CCDC90B: variants seen among roughly 807,000 people sequenced by gnomAD.
The protein encoded by CCDC90B is coiled-coil domain containing 90B.
A neutral mutation model predicts 37.0 loss-of-function variants in CCDC90B; 24 were observed. The ratio of observed to expected loss-of-function variants is 0.65; its 90% CI spans 0.47 to 0.91. The LOEUF is 0.91. Ranked by LOEUF, CCDC90B falls within the 40% of genes least tolerant of loss-of-function variation. The pLI, the probability that CCDC90B is intolerant of heterozygous loss-of-function variation, is 0.00. For missense variants in CCDC90B, 319 were observed against 299.0 expected, an observed-to-expected ratio of 1.07 and a Z score of -0.49; for synonymous variants, 113 against 101.1, an observed-to-expected ratio of 1.12 and a Z score of -0.71.
chr11:83,285,665 C>G, intron 1 of CCDC90B: 2 of 1,404,400 alleles, frequency 1.4e-6, no homozygotes, highest in Admixed American at 6.2e-5. Flanking sequence ...GCTTTAAGAA[C>G]AGAAAGGCAG....
At chr11:83,273,468 G>A (rs551352285) in intron 7 of CCDC90B, 179 bp downstream of exon 7, 60 of 435,192 alleles carry the variant, frequency 1.4e-4, no homozygotes, top group Middle Eastern at 6.0e-4. Flanking sequence ...GCTCATGGGC[G>A]ACCATCTACC....
rs950171133 is a variant in CCDC90B at position 83,282,526 on chromosome 11, A to G, written c.101-2266T>C. 2.6e-5 allele frequency among the ~76,000 whole-genome samples: 4 copies of G among 152,286 alleles called. No individual in the cohort carries two copies. The South Asian group carries it at 8.3e-4, about 32-fold the overall frequency. ...AGACCAAATACCTTAACAAGCCAAT[A>G]AATCTTTGTAGGGTGCAGCTCGTCT... On this transcript the variant is annotated intron_variant, in intron 1 of 8. Transcript: ENST00000529689.
At chr11:83,269,422 A>G (rs1864508497) in intron 7 of CCDC90B, among the ~76,000 whole-genome samples, 1 of 152,156 alleles carries the variant, frequency 6.6e-6, no homozygotes, top group Non-Finnish European at 1.5e-5. Context: ...CCAGACTAAT[A>G]AAGAAGAAAA....
At chr11:83,278,141 A>G (rs2135653379) in intron 3 of CCDC90B, among the ~76,000 whole-genome samples, 1 of 152,344 alleles carries the variant, frequency 6.6e-6, no homozygotes, top group African/African-American at 2.4e-5. Flanking sequence ...GCCTGTCTTC[A>G]GTGGCCAAAT....
chr11:83,264,349 G>T (rs549465003), intron 8 of CCDC90B, among the ~76,000 whole-genome samples: 7 of 152,252 alleles, frequency 4.6e-5, no homozygotes, highest in Non-Finnish European at 1.0e-4. Flanking sequence ...TTATTTTTAA[G>T]AAGTATATAA....
At chr11:83,274,034 G>T (rs758390156) in intron 4 of CCDC90B, 42 bp from the exon 5 acceptor site, 5 of 1,420,912 alleles carry the variant, frequency 3.5e-6, no homozygotes, top group Non-Finnish European at 4.7e-6. Flanking sequence ...ATTAAACCAA[G>T]TCTATATTAT....
At position 83,273,956 on chromosome 11, in the gene CCDC90B, G is replaced by A. The variant is rs1169732649; in HGVS notation, c.463C>T (p.Leu155=). The A allele has an allele frequency of 1.1e-5, 17 of 1,590,354 alleles. No individual in the cohort carries two copies. The highest frequency in any genetic ancestry group is 3.4e-4 in the Middle Eastern group (2 of 5,930). ...KIELDQVKQQ[L]MHETSRIRAD... Reference sequence around the variant, plus strand: ...TAGAAAAAAAATTCACTTACCATTAGTTGTTGCTTAACTTGGTCTAATTCA... The same window carrying A: ...TAGAAAAAAAATTCACTTACCATTAATTGTTGCTTAACTTGGTCTAATTCA... Residue 155 remains leucine (L), a synonymous_variant, in exon 5 of 9, where the codon CTA becomes TTA. Transcript: ENST00000529689.
intron 1 of CCDC90B, among the ~76,000 whole-genome samples, chr11:83,284,770 T>C (rs1286373001): frequency 6.6e-6 from 1 of 152,246 alleles, no homozygotes; most frequent in African/African-American, 2.4e-5. Context: ...CAGTATGATA[T>C]ACACTTCAAA....
rs751633057 is a variant in CCDC90B, at chr11:83,285,879, G to T, written c.94C>A (p.Arg32=). ...ACACGACGCCTTGCCTCACCTCTCCGCAGGGCCGGCGAGAAATGCCCGCGG... is the reference window on the plus strand; with the variant it reads ...ACACGACGCCTTGCCTCACCTCTCCTCAGGGCCGGCGAGAAATGCCCGCGG... ...RPRGHFSPAL[R]REFFTTTTKE... Residue 32 remains arginine, a synonymous_variant, in exon 1 of 9, where the codon CGG becomes AGG. Transcript: ENST00000529689. The T allele has an allele frequency of 1.2e-6, 2 of 1,611,924 alleles. No individual in the cohort carries two copies. Among genetic ancestry groups the T allele is most frequent in the Non-Finnish European group, 1.7e-6 (2 of 1,179,590 alleles).
At chr11:83,277,455 T>C (rs1865105649) in intron 3 of CCDC90B, among the ~76,000 whole-genome samples, 1 of 152,146 alleles carries the variant, frequency 6.6e-6, no homozygotes, top group African/African-American at 2.4e-5. Flanking sequence ...TGGACATTTG[T>C]CTACTATAAT....
intron 1 of CCDC90B, among the ~76,000 whole-genome samples, chr11:83,283,395 T>C (rs974661941): frequency 2.6e-5 from 4 of 152,248 alleles, no homozygotes; most frequent in Admixed American, 1.3e-4. Context: ...TTCTCTTGGC[T>C]TCTATTTATT....
At chr11:83,262,205 C>G (rs914122948) in intron 8 of CCDC90B, among the ~76,000 whole-genome samples, 7 of 152,036 alleles carry the variant, frequency 4.6e-5, no homozygotes, top group Non-Finnish European at 8.8e-5. Flanking sequence ...ATTTAGAAAC[C>G]TATAACCTGT....
intron 3 of CCDC90B, among the ~76,000 whole-genome samples, chr11:83,276,963 CT>C (rs1488875079): frequency 1.3e-5 from 2 of 152,060 alleles, no homozygotes; most frequent in African/African-American, 2.4e-5. Flanking sequence ...AAGTATGCAG[CT>C]TAATGGCCTA....
At chr11:83,269,113 C>T (rs574870870) in intron 7 of CCDC90B, among the ~76,000 whole-genome samples, 10 of 152,176 alleles carry the variant, frequency 6.6e-5, no homozygotes, top group Non-Finnish European at 1.2e-4. Flanking sequence ...ACATTTAAAA[C>T]AGTGTGTAGA....
At chr11:83,274,064 CCT>C in intron 4 of CCDC90B, 72 bp from the exon 5 acceptor site, 1 of 1,195,224 alleles carries the variant, frequency 8.4e-7, no homozygotes, top group Non-Finnish European at 1.1e-6. Context: ...AATCTGAAAC[CCT>C]AGATTACCAA....
At chr11:83,269,293 T>C (rs1315252856) in intron 7 of CCDC90B, among the ~76,000 whole-genome samples, 2 of 151,834 alleles carry the variant, frequency 1.3e-5, no homozygotes, top group African/African-American at 4.8e-5. Flanking sequence ...AGGTAAGAGA[T>C]AAGAGACACA....
chr11:83,284,560 T>C (rs565181345), intron 1 of CCDC90B, among the ~76,000 whole-genome samples: 18 of 152,342 alleles, frequency 1.2e-4, no homozygotes, highest in African/African-American at 3.4e-4. Context: ...GTCAAGGTTT[T>C]CAAATCCCTT....
At position 83,260,587 on chromosome 11, in the gene CCDC90B, T is replaced by C. The variant is rs1234443070; in HGVS notation, c.*1324A>G. On this transcript the variant is annotated 3_prime_UTR_variant, in exon 9 of 9. Transcript: ENST00000529689. Reference sequence around the variant, plus strand: ...CCATATGGACCAATCTCTTGACTGCTCTATACTGCAGATTCCCTGTTTATA... The same window carrying C: ...CCATATGGACCAATCTCTTGACTGCCCTATACTGCAGATTCCCTGTTTATA... 1 of 152,214 alleles carries C rather than the reference T, an allele frequency of 6.6e-6. No homozygotes were observed. Among genetic ancestry groups the C allele is most frequent in the Non-Finnish European group, 1.5e-5 (1 of 68,040 alleles). 9.4% of individuals were successfully genotyped at this position (152,214 alleles called of 1,614,324 possible).
At chr11:83,284,881 C>G (rs868204329) in intron 1 of CCDC90B, among the ~76,000 whole-genome samples, 1 of 152,184 alleles carries the variant, frequency 6.6e-6, no homozygotes, top group African/African-American at 2.4e-5. Context: ...AGTGCTACCT[C>G]CTTTTTGTAA....
Sources: allele counts gnomAD v4.1 joint callset (sites outside exome capture counted in the v4.1 genomes callset), GRCh38; gene constraint gnomAD v4.1.1; transcripts MANE v1.5; gene names NCBI Gene and HGNC (gene_info 2026-07-23, HGNC 2026-07-21).